The following RHCG variants were observed in gnomAD, a reference collection of about 807,000 sequenced individuals.
RHCG encodes ammonium transporter Rh type C.
Under a neutral mutation model 55.3 loss-of-function variants are expected in RHCG, and 39 were observed. The ratio of observed to expected loss-of-function variants is 0.70; its 90% CI spans 0.55 to 0.92. RHCG has a LOEUF of 0.92. Ranked by LOEUF, RHCG falls within the 40% of genes least tolerant of loss-of-function variation. The probability of loss-of-function intolerance (pLI) is 0.00; values close to 1 mark genes in which losing one functional copy is unlikely to be tolerated. For synonymous variants in RHCG, 250 were observed against 246.8 expected (o/e 1.01, Z -0.12); for missense variants, 635 against 627.9 (o/e 1.01, Z -0.12).
intron 2 of RHCG, chr15:89,486,517 C>T (rs1961361059): frequency 2.0e-6 from 1 of 510,570 alleles, no homozygotes; most frequent in Non-Finnish European, 3.8e-6. Context: ...ACGACTCCCA[C>T]CCTGGAGAAT....
At chr15:89,481,339 A>C (rs1373847863) in intron 3 of RHCG, among the ~76,000 whole-genome samples, 1 of 152,086 alleles carries the variant, frequency 6.6e-6, no homozygotes, top group Non-Finnish European at 1.5e-5. Context: ...AATTCCAGGT[A>C]CTTGGGAGGC....
intron 3 of RHCG, among the ~76,000 whole-genome samples, chr15:89,480,750 C>T (rs1961252048): frequency 6.6e-6 from 1 of 152,192 alleles, no homozygotes; most frequent in South Asian, 2.1e-4. Flanking sequence ...CACTGGTTTC[C>T]ACCTCTGTGC....
At chr15:89,491,670 G>A (rs1480230968) in intron 1 of RHCG, among the ~76,000 whole-genome samples, 1 of 152,258 alleles carries the variant, frequency 6.6e-6, no homozygotes, top group East Asian at 1.9e-4. Context: ...GAGAGGCAGA[G>A]GCAGGAGAAT....
intron 1 of RHCG, among the ~76,000 whole-genome samples, chr15:89,492,138 GAAC>G (rs1961487794): frequency 6.6e-6 from 1 of 152,120 alleles, no homozygotes; most frequent in Non-Finnish European, 1.5e-5. Context: ...GTCCTGCCCA[GAAC>G]TGGCTTCCTC....
chr15:89,486,603 T>TGAGTGTGTGTGTGTGTGC (rs1273531719), intron 2 of RHCG, 196 bp downstream of exon 2: 1 of 395,836 alleles, frequency 2.5e-6, no homozygotes, highest in Non-Finnish European at 4.9e-6. Context: ...AGAGAGAGTG[T>TGAGTGTGTGTGTGTGTGC]GTGTGTGTGT....
intron 1 of RHCG, among the ~76,000 whole-genome samples, chr15:89,491,160 T>C (rs1333950123): frequency 1.3e-5 from 2 of 152,124 alleles, no homozygotes; most frequent in Admixed American, 1.3e-4. Flanking sequence ...AGGGCTGCCT[T>C]GGCCTCTGTG....
Position 89,472,825 on chromosome 15 carries a change from G to T in RHCG, c.1350C>A (p.Asp450Glu), listed in dbSNP as rs759176095. Residue 450 changes from aspartate (D) to glutamate (E), a missense_variant, in exon 10 of 11, where the codon GAC becomes GAA. Physicochemically the swap from Asp to Glu is conservative, Grantham distance 45. Coordinates refer to ENST00000268122, the MANE Select transcript of RHCG (RefSeq NM_016321.3). ...EGNSTVYIPE[D>E]PTFKPSGPSV... ...AGGGTCCTGAGGGCTTGAAGGTGGG[G>T]TCCTCAGGGATGTAGACAGTGCTGT... 6.5e-7 allele frequency: 1 copy of T among 1,547,462 alleles called. No homozygotes were observed. Among genetic ancestry groups the T allele is most frequent in the South Asian group, 1.2e-5 (1 of 83,588 alleles).
intron 3 of RHCG, among the ~76,000 whole-genome samples, chr15:89,481,224 C>T (rs763265165): frequency 4.6e-5 from 7 of 152,222 alleles, no homozygotes; most frequent in Non-Finnish European, 7.4e-5. Flanking sequence ...CCAAGGCAGG[C>T]GGATCACCTG....
At chr15:89,474,169 G>T (rs144495742) in intron 9 of RHCG, among the ~76,000 whole-genome samples, 239 of 152,202 alleles carry the variant, frequency 1.6e-3, no homozygotes, top group African/African-American at 5.5e-3. Context: ...AGAGAAAAAA[G>T]ATAGAAAGGA....
chr15:89,473,227 T>C (rs537774286), intron 9 of RHCG, among the ~76,000 whole-genome samples: 2 of 152,172 alleles, frequency 1.3e-5, no homozygotes, highest in South Asian at 2.1e-4. Flanking sequence ...TTTTAAAAGA[T>C]GAATTGGAGT....
At chr15:89,481,229 C>A (rs1351788910) in intron 3 of RHCG, among the ~76,000 whole-genome samples, 1 of 152,198 alleles carries the variant, frequency 6.6e-6, no homozygotes, top group Non-Finnish European at 1.5e-5. Context: ...GCAGGCGGAT[C>A]ACCTGAGGTC....
At position 89,483,060 on chromosome 15, in the gene RHCG, T is replaced by G. The variant is rs1481833335; in HGVS notation, c.522+7A>C. 1 of 1,568,284 alleles carries G rather than the reference T, an allele frequency of 6.4e-7. No individual in the cohort carries two copies. Among genetic ancestry groups the G allele is most frequent in the Admixed American group, 1.7e-5 (1 of 59,418 alleles). ...ACCACCTCATCCCCATTCTGAGCCC[T>G]GCTCACCTTTAGCAGGTTAAGGAGA... On this transcript the variant is annotated splice_region_variant and intron_variant, in intron 3 of 10. Coordinates refer to ENST00000268122, the MANE Select transcript of RHCG (RefSeq NM_016321.3).
intron 9 of RHCG, 28 bp downstream of exon 9, chr15:89,476,727 T>TTCAGGGGGCCAAGTCCC: frequency 2.5e-6 from 4 of 1,603,862 alleles, no homozygotes; most frequent in Non-Finnish European, 3.4e-6. Context: ...GCTGCCCTCC[T>TTCAGGGGGCCAAGTCCC]TCAGGGGGCC....
intron 2 of RHCG, 138 bp from the exon 3 acceptor site, chr15:89,483,355 G>T: frequency 1.4e-6 from 1 of 708,926 alleles, no homozygotes; most frequent in Non-Finnish European, 2.2e-6. Flanking sequence ...ACACTAATGG[G>T]CACCTAACAT....
At chr15:89,474,485 C>T (rs2141885914) in intron 9 of RHCG, among the ~76,000 whole-genome samples, 1 of 152,298 alleles carries the variant, frequency 6.6e-6, no homozygotes, top group Non-Finnish European at 1.5e-5. Context: ...GAGGACAGTG[C>T]AGGAGGCATG....
intron 5 of RHCG, 102 bp from the exon 6 acceptor site, chr15:89,478,076 C>G (rs547671480): frequency 6.9e-7 from 1 of 1,452,132 alleles, no homozygotes; most frequent in East Asian, 2.3e-5. Context: ...AGCCTGGCTC[C>G]TGGGAGCCGG....
At chr15:89,489,790 TA>T (rs1961440506) in intron 1 of RHCG, among the ~76,000 whole-genome samples, 1 of 152,224 alleles carries the variant, frequency 6.6e-6, no homozygotes, top group African/African-American at 2.4e-5. Flanking sequence ...ACCACCCATT[TA>T]AGATAGGTTC....
intron 9 of RHCG, among the ~76,000 whole-genome samples, chr15:89,476,266 C>G (rs1386077277): frequency 6.6e-6 from 1 of 152,122 alleles, no homozygotes; most frequent in Non-Finnish European, 1.5e-5. Context: ...GACAGAGTCT[C>G]CCTATGTTGC....
At chr15:89,486,597 AGAGTGT>A (rs1416656472) in intron 2 of RHCG, 196 bp downstream of exon 2, 31 of 327,202 alleles carry the variant, frequency 9.5e-5, no homozygotes, top group East Asian at 5.3e-4. Flanking sequence ...AGAGAGAGAG[AGAGTGT>A]GTGTGTGTGT....
Sources: allele counts gnomAD v4.1 joint callset (sites outside exome capture counted in the v4.1 genomes callset), GRCh38; gene constraint gnomAD v4.1.1; transcripts MANE v1.5; gene names NCBI Gene and HGNC (gene_info 2026-07-23, HGNC 2026-07-21).